The following LRBA variants were observed in gnomAD, a reference collection of about 807,000 sequenced individuals.
The protein encoded by LRBA is LPS responsive beige-like anchor protein.
In LRBA, 176 loss-of-function variants were observed where a neutral mutation model predicts 330.0. The observed-to-expected ratio is 0.53, with a 90% confidence interval of 0.47 to 0.60. The LOEUF (loss-of-function observed/expected upper bound fraction) is 0.60. Ranked by LOEUF, LRBA falls within the 20% of genes least tolerant of loss-of-function variation. The pLI is 0.00. For synonymous variants in LRBA, 1,230 were observed against 1,193.0 expected (o/e 1.03, Z -0.64); for missense variants, 3,259 against 3,444.8 (o/e 0.95, Z 1.35).
At position 150,852,536 on chromosome 4, in the gene LRBA, C is replaced by G. The variant is rs755605707; in HGVS notation, c.3174G>C (p.Val1058=). The G allele has an allele frequency of 6.2e-7, 1 of 1,613,792 alleles. No individual in the cohort carries two copies. Among genetic ancestry groups the G allele is most frequent in the South Asian group, 1.1e-5 (1 of 91,064 alleles). ...LEVSSDIIEA[V]AISSNSFITT... is the part of the protein sequence containing the mutation. ...TTATAAAAGAATTAGAGGAAATAGCCACAGCTTCTATTATGTCAGAAGATA... is the reference window on the plus strand; with the variant it reads ...TTATAAAAGAATTAGAGGAAATAGCGACAGCTTCTATTATGTCAGAAGATA... Residue 1058 remains valine, a synonymous_variant, in exon 23 of 57, where the codon GTG becomes GTC. Transcript: ENST00000651943.
At chr4:150,831,279 T>A (rs1484137614) in intron 29 of LRBA, among the ~76,000 whole-genome samples, 1 of 151,854 alleles carries the variant, frequency 6.6e-6, no homozygotes, top group Non-Finnish European at 1.5e-5. Flanking sequence ...ATTTTCTATC[T>A]CCTCCCATTA....
intron 34 of LRBA, among the ~76,000 whole-genome samples, chr4:150,783,936 A>C (rs1339744539): frequency 3.9e-5 from 6 of 152,194 alleles, no homozygotes; most frequent in African/African-American, 1.4e-4. Context: ...TCCTGGAAAG[A>C]AAATATAAAG....
At chr4:150,455,271 C>T (rs1753918822) in intron 44 of LRBA, among the ~76,000 whole-genome samples, 1 of 152,020 alleles carries the variant, frequency 6.6e-6, no homozygotes, top group African/African-American at 2.4e-5. Context: ...ACCCAGCCAT[C>T]CCATTACTGG....
chr4:150,821,825 A>G (rs1007099365), intron 30 of LRBA, among the ~76,000 whole-genome samples: 1 of 152,194 alleles, frequency 6.6e-6, no homozygotes, highest in African/African-American at 2.4e-5. Flanking sequence ...GAATTTTGGC[A>G]TGGGAATGAA....
chr4:151,011,856 T>G (rs1479047247), intron 2 of LRBA, among the ~76,000 whole-genome samples: 2 of 151,854 alleles, frequency 1.3e-5, no homozygotes, highest in African/African-American at 4.8e-5. Context: ...TTATTTAATT[T>G]TTTTTTTTGT....
chr4:150,920,019 C>T (rs933464538), intron 5 of LRBA, among the ~76,000 whole-genome samples: 19 of 151,720 alleles, frequency 1.3e-4, no homozygotes, highest in South Asian at 8.3e-4. Flanking sequence ...AATCTAAAAT[C>T]GACTGTAAGG....
chr4:150,712,156 T>C (rs938968198), intron 36 of LRBA, among the ~76,000 whole-genome samples: 9 of 152,236 alleles, frequency 5.9e-5, no homozygotes, highest in Admixed American at 1.3e-4. Context: ...CTTTGTCTTT[T>C]CTTCATCTGT....
intron 38 of LRBA, among the ~76,000 whole-genome samples, chr4:150,596,108 C>A (rs1164373808): frequency 1.3e-5 from 2 of 151,818 alleles, no homozygotes; most frequent in African/African-American, 4.8e-5. Flanking sequence ...TTATAAATAA[C>A]CACTTTGGAG....
intron 31 of LRBA, among the ~76,000 whole-genome samples, chr4:150,816,671 C>T (rs1744638945): frequency 6.6e-6 from 1 of 150,916 alleles, no homozygotes; most frequent in South Asian, 2.1e-4. Flanking sequence ...AAAAAATATG[C>T]CAAAAAAAAC....
At chr4:150,740,017 G>T (rs1383289952) in intron 35 of LRBA, among the ~76,000 whole-genome samples, 4 of 152,206 alleles carry the variant, frequency 2.6e-5, no homozygotes, top group Non-Finnish European at 5.9e-5. Context: ...TTAAGGCTAA[G>T]TTGTGATAAT....
At chr4:150,940,514 T>C (rs867339174) in intron 2 of LRBA, among the ~76,000 whole-genome samples, 26 of 152,350 alleles carry the variant, frequency 1.7e-4, no homozygotes, top group Non-Finnish European at 3.2e-4. Flanking sequence ...TATATGCAGG[T>C]ACATTTTAAT....
At chr4:150,758,510 G>T (rs1484433030) in intron 35 of LRBA, among the ~76,000 whole-genome samples, 1 of 150,546 alleles carries the variant, frequency 6.6e-6, no homozygotes, top group Non-Finnish European at 1.5e-5. Flanking sequence ...TAGCAACCTT[G>T]TCCCAGTCAC....
chr4:150,616,195 G>A (rs984101047), intron 37 of LRBA, among the ~76,000 whole-genome samples: 1 of 152,114 alleles, frequency 6.6e-6, no homozygotes, highest in African/African-American at 2.4e-5. Context: ...TATATAATTC[G>A]AGAGACATTG....
At chr4:150,470,840 TACACACACACAC>T (rs146604033) in intron 43 of LRBA, among the ~76,000 whole-genome samples, 32 of 140,666 alleles carry the variant, frequency 2.3e-4, no homozygotes, top group Non-Finnish European at 2.9e-4. Flanking sequence ...CCCTCATTAC[TACACACACACAC>T]ACACACACAC....
chr4:150,806,424 T>G lies in LRBA; in HGVS notation c.5385-20A>C. ...GTAATACTAAGGAAAAGACATTAAG[T>G]TACTTGAACTATTCAACAGATTGTA... On this transcript the variant is annotated intron_variant, in intron 32 of 56. Coordinates refer to ENST00000651943, the MANE Select transcript of LRBA (RefSeq NM_001364905.1). 6.4e-7 allele frequency: 1 copy of G among 1,551,808 alleles called. No homozygotes were observed. The highest frequency in any genetic ancestry group is 8.7e-7 in the Non-Finnish European group (1 of 1,150,764).
chr4:150,984,178 G>A (rs1237720685), intron 2 of LRBA, among the ~76,000 whole-genome samples: 1 of 152,156 alleles, frequency 6.6e-6, no homozygotes, highest in Non-Finnish European at 1.5e-5. Flanking sequence ...AATCCAATCA[G>A]AAAGAAAAAT....
chr4:150,879,980 C>A (rs1728182621), intron 17 of LRBA, among the ~76,000 whole-genome samples: 2 of 152,110 alleles, frequency 1.3e-5, no homozygotes, highest in South Asian at 2.1e-4. Flanking sequence ...CATCACAATA[C>A]CCAACTTCAA....
chr4:150,490,384 T>C (rs975357184), intron 41 of LRBA, among the ~76,000 whole-genome samples: 1 of 151,868 alleles, frequency 6.6e-6, no homozygotes, highest in African/African-American at 2.4e-5. Context: ...CTTCTTTTCT[T>C]AATGGATTTC....
Position 150,601,761 on chromosome 4 carries a change from T to C in LRBA, c.5922-2630A>G, listed in dbSNP as rs149674745. Reference sequence around the variant, plus strand: ...GGCTGGAGTGCAGTGGCACTATCTCTGCTCACTGCAAGCTCCTTTTCCTGG... The same window carrying C: ...GGCTGGAGTGCAGTGGCACTATCTCCGCTCACTGCAAGCTCCTTTTCCTGG... On this transcript the variant is annotated intron_variant, in intron 37 of 56. Transcript: ENST00000651943. Among the ~76,000 whole-genome samples, 190 of 151,628 alleles carry C rather than the reference T, an allele frequency of 1.3e-3. 3 individuals carry two copies. The highest frequency in any genetic ancestry group is 4.5e-3 in the African/African-American group (186 of 41,484).
Sources: gnomAD v4.1 joint callset for allele counts (sites outside exome capture counted in the v4.1 genomes callset) on GRCh38, gnomAD v4.1.1 for gene constraint, MANE v1.5 for transcripts, NCBI Gene and HGNC (gene_info 2026-07-23, HGNC 2026-07-21) for gene names.